The following PIP4K2A variants were observed in gnomAD, a reference collection of about 807,000 sequenced individuals.
PIP4K2A encodes the protein phosphatidylinositol 5-phosphate 4-kinase type-2 alpha.
A neutral mutation model predicts 42.9 loss-of-function variants in PIP4K2A; 14 were observed. That is an observed-to-expected ratio of 0.33 (90% CI 0.22 to 0.51). PIP4K2A has a LOEUF of 0.51. PIP4K2A is among the 20% of genes least tolerant of loss of function. The pLI is 0.97. For missense variants in PIP4K2A, 434 were observed against 519.8 expected (o/e 0.83, Z 1.61); for synonymous variants, 192 against 192.2 (o/e 1.00, Z 0.01).
chr10:22,568,015 T>G, intron 5 of PIP4K2A, 126 bp from the exon 6 acceptor site: 2 of 834,688 alleles, frequency 2.4e-6, no homozygotes, highest in South Asian at 2.7e-5. Flanking sequence ...TCGCAGCCCA[T>G]GCGGAATGGG....
intron 1 of PIP4K2A, among the ~76,000 whole-genome samples, chr10:22,651,703 G>A (rs1431590242): frequency 2.0e-5 from 3 of 152,298 alleles, no homozygotes; most frequent in African/African-American, 4.8e-5. Context: ...TCTGTCTCCC[G>A]GACAGTGGAA....
At chr10:22,626,695 T>C (rs1359642) in intron 1 of PIP4K2A, among the ~76,000 whole-genome samples, 45,737 of 152,112 alleles carry the variant, frequency 0.3, 11,240 homozygotes, top group African/African-American at 0.68. Context: ...TATTTTAATG[T>C]AAAGTATAGG....
chr10:22,682,153 A>G (rs1475030225), intron 1 of PIP4K2A, among the ~76,000 whole-genome samples: 1 of 152,238 alleles, frequency 6.6e-6, no homozygotes, highest in Non-Finnish European at 1.5e-5. Context: ...ACTCTGTTGC[A>G]TACCTTATCC....
At chr10:22,660,556 T>G (rs770168017) in intron 1 of PIP4K2A, among the ~76,000 whole-genome samples, 3 of 152,160 alleles carry the variant, frequency 2.0e-5, no homozygotes, top group Admixed American at 6.5e-5. Flanking sequence ...TGCAAGAATC[T>G]AGGTGATCCA....
intron 3 of PIP4K2A, among the ~76,000 whole-genome samples, chr10:22,601,130 C>CAAAAAAAAAAAAAAAAAAAAAAA (rs1188396077): frequency 6.3e-5 from 2 of 31,924 alleles, no homozygotes; most frequent in Non-Finnish European, 8.8e-5. Context: ...GAGACTGTCT[C>CAAAAAAAAAAAAAAAAAAAAAAA]AAAAAAAAAA....
chr10:22,694,863 G>A (rs1275295312), intron 1 of PIP4K2A, among the ~76,000 whole-genome samples: 2 of 151,994 alleles, frequency 1.3e-5, no homozygotes, highest in African/African-American at 2.4e-5. Context: ...AACATAAACT[G>A]GAACACATTT....
chr10:22,660,261 A>G (rs1839178166), intron 1 of PIP4K2A, among the ~76,000 whole-genome samples: 1 of 152,200 alleles, frequency 6.6e-6, no homozygotes, highest in Non-Finnish European at 1.5e-5. Context: ...GCCTGAGCTC[A>G]GGAATTCGAG....
chr10:22,711,873 C>CT, intron 1 of PIP4K2A, among the ~76,000 whole-genome samples: 1 of 152,094 alleles, frequency 6.6e-6, no homozygotes, highest in African/African-American at 2.4e-5. Context: ...CACCTCCATT[C>CT]TTTTTTCAAA....
At chr10:22,552,548 AG>A (rs750618817) in intron 6 of PIP4K2A, among the ~76,000 whole-genome samples, 1 of 152,204 alleles carries the variant, frequency 6.6e-6, no homozygotes, top group Non-Finnish European at 1.5e-5. Flanking sequence ...CTAGATTATA[AG>A]GTTTCTCTCC....
intron 5 of PIP4K2A, among the ~76,000 whole-genome samples, chr10:22,572,874 T>C (rs1416081214): frequency 6.6e-6 from 1 of 152,218 alleles, no homozygotes; most frequent in African/African-American, 2.4e-5. Context: ...CAATGTCATC[T>C]TTCTCAGGGG....
At chr10:22,573,049 C>T (rs892835208) in intron 5 of PIP4K2A, among the ~76,000 whole-genome samples, 1 of 152,188 alleles carries the variant, frequency 6.6e-6, no homozygotes, top group Non-Finnish European at 1.5e-5. Context: ...TTTGTTCATC[C>T]CATCACTTCC....
intron 1 of PIP4K2A, among the ~76,000 whole-genome samples, chr10:22,669,455 TAAATG>T (rs752692326): frequency 6.6e-6 from 1 of 151,594 alleles, no homozygotes; most frequent in Non-Finnish European, 1.5e-5. Flanking sequence ...TGACTATGCA[TAAATG>T]AAAAAAACAA....
At chr10:22,664,740 T>A (rs566145574) in intron 1 of PIP4K2A, among the ~76,000 whole-genome samples, 1 of 152,260 alleles carries the variant, frequency 6.6e-6, no homozygotes, top group South Asian at 2.1e-4. Context: ...ATGCTTTCAG[T>A]ACGAAGTACT....
chr10:22,602,720 T>A (rs1837817470), intron 3 of PIP4K2A, among the ~76,000 whole-genome samples: 1 of 152,176 alleles, frequency 6.6e-6, no homozygotes, highest in Non-Finnish European at 1.5e-5. Flanking sequence ...TACTTATTTA[T>A]TTTTCATGTT....
intron 6 of PIP4K2A, among the ~76,000 whole-genome samples, chr10:22,555,339 G>A (rs1323365609): frequency 6.6e-6 from 1 of 152,122 alleles, no homozygotes; most frequent in African/African-American, 2.4e-5. Flanking sequence ...GCAAACATAG[G>A]GTTGTGAGGG....
At position 22,683,835 on chromosome 10, in the gene PIP4K2A, T is replaced by TCACACACA. The variant is rs138327782; in HGVS notation, c.144+30340_144+30347dup. ...TCTTGTAGCTTTCCTACCAAGCAGT[T>TCACACACA]CACACACACACACACACACACACAC... On this transcript the variant is annotated intron_variant, in intron 1 of 9. Transcript: ENST00000376573. Among the ~76,000 whole-genome samples, 637 of 139,390 alleles carry TCACACACA rather than the reference T, an allele frequency of 4.6e-3. 1 individual carries two copies. Among genetic ancestry groups the TCACACACA allele is most frequent in the African/African-American group, 0.014 (516 of 37,768 alleles). 91.4% of individuals were successfully genotyped at this position (139,390 alleles called of 152,430 possible).
intron 1 of PIP4K2A, among the ~76,000 whole-genome samples, chr10:22,698,663 T>C (rs1455049302): frequency 1.3e-5 from 2 of 152,218 alleles, no homozygotes; most frequent in Non-Finnish European, 1.5e-5. Context: ...ACCAACCTAA[T>C]TATTAAGCAG....
intron 7 of PIP4K2A, 25 bp from the exon 8 acceptor site, chr10:22,542,072 G>A: frequency 6.3e-7 from 1 of 1,581,864 alleles, no homozygotes; most frequent in Non-Finnish European, 8.6e-7. Flanking sequence ...AACAGGGTGA[G>A]TCAGCCACAC....
At chr10:22,583,404 G>C (rs187931963) in intron 4 of PIP4K2A, among the ~76,000 whole-genome samples, 4 of 152,318 alleles carry the variant, frequency 2.6e-5, no homozygotes, top group South Asian at 2.1e-4. Flanking sequence ...CTGGGGCTGG[G>C]GGGGAGCTGA....
Sources: gnomAD v4.1 joint callset for allele counts (sites outside exome capture counted in the v4.1 genomes callset) on GRCh38, gnomAD v4.1.1 for gene constraint, MANE v1.5 for transcripts, NCBI Gene and HGNC (gene_info 2026-07-23, HGNC 2026-07-21) for gene names.